The following C5orf22 variants were observed in gnomAD, a reference collection of about 807,000 sequenced individuals.
C5orf22 encodes the protein UPF0489 protein C5orf22.
In C5orf22, 36 loss-of-function variants were observed where a neutral mutation model predicts 48.7. The ratio of observed to expected loss-of-function variants is 0.74; its 90% confidence interval spans 0.57 to 0.98. The LOEUF (loss-of-function observed/expected upper bound fraction) is 0.98, where lower values mean the gene tolerates loss of function less well. Ranked by LOEUF, C5orf22 falls within the 50% of genes least tolerant of loss-of-function variation. The pLI, the probability that C5orf22 is intolerant of heterozygous loss-of-function variation, is 0.00. For missense variants in C5orf22, 486 were observed against 521.9 expected, an observed-to-expected ratio of 0.93 and a Z score of 0.67; for synonymous variants, 141 against 180.8, an observed-to-expected ratio of 0.78 and a Z score of 1.76.
intron 3 of C5orf22, among the ~76,000 whole-genome samples, chr5:31,537,762 C>T (rs1359919228): frequency 6.6e-6 from 1 of 152,170 alleles, no homozygotes; most frequent in Non-Finnish European, 1.5e-5. Context: ...TGAGAGAGAA[C>T]AAAGGAACAC....
At chr5:31,541,927 T>C (rs1043199103) in intron 6 of C5orf22, among the ~76,000 whole-genome samples, 1 of 152,210 alleles carries the variant, frequency 6.6e-6, no homozygotes, top group Admixed American at 6.5e-5. Flanking sequence ...TATTATTATG[T>C]CAATTTTATA....
At chr5:31,543,513 T>G (rs1742602067) in intron 6 of C5orf22, among the ~76,000 whole-genome samples, 1 of 151,914 alleles carries the variant, frequency 6.6e-6, no homozygotes, top group African/African-American at 2.4e-5. Flanking sequence ...AAGGCTGCAG[T>G]GAGCTGAGAT....
intron 4 of C5orf22, among the ~76,000 whole-genome samples, chr5:31,539,956 T>C (rs962866482): frequency 1.3e-5 from 2 of 151,972 alleles, no homozygotes; most frequent in Non-Finnish European, 2.9e-5. Flanking sequence ...GAGGCTGAGA[T>C]GGGAGGATCA....
At chr5:31,536,807 T>G (rs1742126937) in intron 3 of C5orf22, among the ~76,000 whole-genome samples, 1 of 152,222 alleles carries the variant, frequency 6.6e-6, no homozygotes, top group Non-Finnish European at 1.5e-5. Context: ...CAATATGTTC[T>G]TGACTTTAAA....
intron 4 of C5orf22, 74 bp from the exon 5 acceptor site, chr5:31,540,875 T>C (rs1031930923): frequency 9.3e-7 from 1 of 1,078,916 alleles, no homozygotes; most frequent in Admixed American, 1.8e-5. Context: ...AGGTTGTCTC[T>C]TCCTTAAAGC....
At chr5:31,534,942 A>G (rs971864081) in intron 2 of C5orf22, 2 of 434,562 alleles carry the variant, frequency 4.6e-6, no homozygotes, top group African/African-American at 4.1e-5. Context: ...TAATCCTTTT[A>G]ATATTTGCCT....
chr5:31,544,410 C>T lies in C5orf22; in HGVS notation c.993-1236C>T, dbSNP rs373309102. On this transcript the variant is annotated intron_variant, in intron 6 of 8. Coordinates refer to ENST00000325366, the MANE Select transcript of C5orf22 (RefSeq NM_018356.3). ...CATCCTGGCTAACACGGTGAAACCC[C>T]GTCTCTACTAAAAAATAAAAAAAAT... 8.5e-5 allele frequency among the ~76,000 whole-genome samples: 13 copies of T among 152,114 alleles called. No individual in the cohort carries two copies. The South Asian group carries it at 1.0e-3, about 12-fold the overall frequency.
chr5:31,540,073 T>C (rs1482109864), intron 4 of C5orf22, among the ~76,000 whole-genome samples: 1 of 152,078 alleles, frequency 6.6e-6, no homozygotes, highest in African/African-American at 2.4e-5. Flanking sequence ...TGTTCAAAAG[T>C]TAGGGGAGTT....
In C5orf22 at chr5:31,555,009, T is replaced by C. The variant is rs1743509460; in HGVS notation, c.*2107T>C. 6.6e-6 allele frequency: 1 copy of C among 152,236 alleles called. No individual in the cohort carries two copies. The allele number at this position is 152,236 out of a possible 1,614,324, so 9.4% of individuals were successfully genotyped here. ...CCGTGGTACAGTGTTTTGAATTGTGTACTAATATCATTAAAGCATGGGATT... is the reference window on the plus strand; with the variant it reads ...CCGTGGTACAGTGTTTTGAATTGTGCACTAATATCATTAAAGCATGGGATT... On this transcript the variant is annotated 3_prime_UTR_variant, in exon 9 of 9. Transcript: ENST00000325366.
chr5:31,536,587 T>C (rs1387917777), intron 3 of C5orf22, among the ~76,000 whole-genome samples: 1 of 152,200 alleles, frequency 6.6e-6, no homozygotes, highest in Non-Finnish European at 1.5e-5. Flanking sequence ...CAAAATTATC[T>C]CACTTTGATT....
intron 7 of C5orf22, chr5:31,548,570 C>G (rs1441916247): frequency 1.3e-5 from 6 of 450,480 alleles, no homozygotes; most frequent in Non-Finnish European, 2.2e-5. Flanking sequence ...CATTTTGGTC[C>G]AAGCCATTCA....
Position 31,551,437 on chromosome 5 carries a change from G to A in C5orf22, c.1199+5G>A. On this transcript the variant is annotated splice_donor_5th_base_variant and intron_variant, in intron 8 of 8. Coordinates refer to ENST00000325366, the MANE Select transcript of C5orf22 (RefSeq NM_018356.3). ...TACTCTTGTGACAATTGCAAGGTAA[G>A]TGTGTTCAGCAGAATAATGGCAAAT... is the stretch of plus-strand genomic sequence containing the variant. 3.1e-6 allele frequency: 5 copies of A among 1,607,278 alleles called. No individual in the cohort carries two copies. Among genetic ancestry groups the A allele is most frequent in the African/African-American group, 1.3e-5 (1 of 74,776 alleles).
At chr5:31,545,963 T>G (rs1400763231) in intron 7 of C5orf22, among the ~76,000 whole-genome samples, 1 of 152,210 alleles carries the variant, frequency 6.6e-6, no homozygotes, top group Non-Finnish European at 1.5e-5. Flanking sequence ...GTGTGTTTTT[T>G]GTAATTTTGT....
chr5:31,545,647 A>G lies in C5orf22; in HGVS notation c.994A>G (p.Met332Val), dbSNP rs868328656. 1 of 1,610,158 alleles carries G rather than the reference A, an allele frequency of 6.2e-7. No homozygotes were observed. The highest frequency in any genetic ancestry group is 8.5e-7 in the Non-Finnish European group (1 of 1,177,430). ...TVQRWASNPG[M>V]ESLVPLVQSL... ...TTGAGTGGGATGGCTTTTTTCCAGAATGGAATCACTAGTTCCCCTTGTACA... is the reference window on the plus strand; with the variant it reads ...TTGAGTGGGATGGCTTTTTTCCAGAGTGGAATCACTAGTTCCCCTTGTACA... The change falls in exon 7 of 9, where the codon ATG becomes GTG. Residue 332 changes from methionine to valine, a missense_variant and splice_region_variant. Physicochemically the swap from Met to Val is conservative, Grantham distance 21. Around this residue, in one of 3 missense-constraint regions of C5orf22, gnomAD observed 408 missense variants for 444.0 expected, o/e 0.92. Transcript: ENST00000325366.
At chr5:31,539,068 A>G (rs1005178468) in intron 4 of C5orf22, among the ~76,000 whole-genome samples, 2 of 152,218 alleles carry the variant, frequency 1.3e-5, no homozygotes, top group Admixed American at 6.5e-5. Flanking sequence ...AACCAGCCAC[A>G]GATAGGAAAT....
intron 3 of C5orf22, among the ~76,000 whole-genome samples, chr5:31,537,742 T>G (rs1205187954): frequency 6.6e-6 from 1 of 152,230 alleles, no homozygotes; most frequent in African/African-American, 2.4e-5. Flanking sequence ...GGATAAAGAT[T>G]CAGCTGGTAT....
chr5:31,548,729 C>T, intron 7 of C5orf22: 1 of 319,808 alleles, frequency 3.1e-6, no homozygotes. Flanking sequence ...TACCAATTTA[C>T]TGTATTAGTC....
Position 31,536,025 on chromosome 5 carries a change from C to T in C5orf22, c.377+132C>T, listed in dbSNP as rs1203585923. 4 of 802,352 alleles carry T rather than the reference C, an allele frequency of 5.0e-6. No individual in the cohort carries two copies. In the East Asian group the frequency reaches 8.8e-5, roughly 18 times the overall value. The allele number at this position is 802,352 out of a possible 1,614,324, so 49.7% of individuals were successfully genotyped here. A position where few individuals can be genotyped will look rare whatever the true frequency, so the allele number is the denominator to read the frequency against. ...AGCCTCGACTTCTCCAAAGAGTTCT[C>T]AAAACACGAAGAACAAACTTTTAAG... On this transcript the variant is annotated intron_variant, in intron 3 of 8. Transcript: ENST00000325366.
intron 4 of C5orf22, among the ~76,000 whole-genome samples, chr5:31,539,809 A>C (rs568342875): frequency 6.6e-6 from 1 of 152,166 alleles, no homozygotes. Flanking sequence ...TTGGGAGGCC[A>C]AAGCAGGAGG....
Sources: gnomAD v4.1 joint callset for allele counts (sites outside exome capture counted in the v4.1 genomes callset) on GRCh38, gnomAD v4.1.1 for gene constraint, gnomAD v4.1.1 regional missense constraint, MANE v1.5 for transcripts, NCBI Gene and HGNC (gene_info 2026-07-23, HGNC 2026-07-21) for gene names.